Variants in HIVEP2 observed in about 807,000 individuals in gnomAD.
The protein encoded by HIVEP2 is HIVEP zinc finger 2.
HIVEP2 carries 14 observed loss-of-function variants against 180.7 expected under a neutral mutation model. The ratio of observed to expected loss-of-function variants is 0.08; its 90% confidence interval spans 0.05 to 0.12. HIVEP2 has a LOEUF of 0.12. HIVEP2 is among the 10% of genes least tolerant of loss of function. HIVEP2 has a pLI of 1.00. For missense variants in HIVEP2, 2,579 were observed against 3,008.5 expected (o/e 0.86, Z 3.34); for synonymous variants, 1,184 against 1,136.4 (o/e 1.04, Z -0.84).
At chr6:142,827,992 C>T (rs1774959385) in intron 2 of HIVEP2, among the ~76,000 whole-genome samples, 1 of 152,206 alleles carries the variant, frequency 6.6e-6, no homozygotes, top group Admixed American at 6.5e-5. Context: ...CCTGTGTTTG[C>T]TGTGTTTTCA....
intron 1 of HIVEP2, among the ~76,000 whole-genome samples, chr6:142,927,044 T>C (rs1777835449): frequency 6.7e-6 from 1 of 149,616 alleles, no homozygotes; most frequent in Non-Finnish European, 1.5e-5. Context: ...AGGGCTCCCC[T>C]CTCCCGCTGG....
At chr6:142,924,225 T>C (rs1413759414) in intron 1 of HIVEP2, among the ~76,000 whole-genome samples, 1 of 152,238 alleles carries the variant, frequency 6.6e-6, no homozygotes, top group Non-Finnish European at 1.5e-5. Context: ...TCTCACTTTT[T>C]TAAACCTCTT....
At chr6:142,814,295 G>A (rs973592401) in intron 2 of HIVEP2, among the ~76,000 whole-genome samples, 3 of 152,176 alleles carry the variant, frequency 2.0e-5, no homozygotes, top group Admixed American at 1.3e-4. Context: ...TATTACTAAT[G>A]TATACCCTAA....
intron 2 of HIVEP2, among the ~76,000 whole-genome samples, chr6:142,794,901 TC>T (rs1776246081): frequency 6.6e-6 from 1 of 152,190 alleles, no homozygotes; most frequent in African/African-American, 2.4e-5. Context: ...GCTTCAACTA[TC>T]CTAAGTGTTA....
intron 1 of HIVEP2, among the ~76,000 whole-genome samples, chr6:142,867,017 T>C (rs1432576249): frequency 6.6e-6 from 1 of 152,166 alleles, no homozygotes. Flanking sequence ...TAAGAAATCT[T>C]AGGTAGAGAG....
intron 1 of HIVEP2, among the ~76,000 whole-genome samples, chr6:142,902,238 A>G (rs551972649): frequency 2.0e-5 from 3 of 152,332 alleles, no homozygotes; most frequent in African/African-American, 7.2e-5. Context: ...CAAAGTTAAT[A>G]TTACCAGTGA....
At chr6:142,911,139 T>TAAAAAAAAAAAAAAAAAAAAAAAATAA (rs5880554) in intron 1 of HIVEP2, among the ~76,000 whole-genome samples, 1 of 106,226 alleles carries the variant, frequency 9.4e-6, no homozygotes, top group Non-Finnish European at 1.9e-5. Flanking sequence ...ACAAACACAT[T>TAAAAAAAAAAAAAAAAAAAAAAAATAA]AAAAAAAAAA....
intron 1 of HIVEP2, among the ~76,000 whole-genome samples, chr6:142,928,242 C>G (rs1450252215): frequency 6.6e-6 from 1 of 152,070 alleles, no homozygotes; most frequent in Non-Finnish European, 1.5e-5. Context: ...CTAAAACTAC[C>G]CTAAAAATAT....
At chr6:142,786,537 C>T (rs1776003165) in intron 2 of HIVEP2, among the ~76,000 whole-genome samples, 1 of 152,148 alleles carries the variant, frequency 6.6e-6, no homozygotes, top group African/African-American at 2.4e-5. Flanking sequence ...TTGTAATAAA[C>T]ACTTGGAAGA....
intron 1 of HIVEP2, among the ~76,000 whole-genome samples, chr6:142,890,181 A>G (rs1200913166): frequency 1.3e-5 from 2 of 152,190 alleles, no homozygotes; most frequent in African/African-American, 4.8e-5. Flanking sequence ...CCCTTTGCAA[A>G]TTAGCTCTAA....
intron 1 of HIVEP2, among the ~76,000 whole-genome samples, chr6:142,907,403 G>A (rs1582957360): frequency 6.6e-6 from 1 of 152,196 alleles, no homozygotes; most frequent in South Asian, 2.1e-4. Context: ...AGTCTCAGCT[G>A]TTGTGAAGAA....
chr6:142,837,993 T>A (rs996107233), intron 1 of HIVEP2, among the ~76,000 whole-genome samples: 4 of 152,070 alleles, frequency 2.6e-5, no homozygotes, highest in African/African-American at 9.7e-5. Flanking sequence ...CACAAGATTT[T>A]TTAATTGTGC....
Position 142,803,563 on chromosome 6 carries a change from G to GCACA in HIVEP2, c.-527-19949_-527-19948insTGTG, listed in dbSNP as rs780270816. On this transcript the variant is annotated intron_variant, in intron 2 of 9. Coordinates refer to ENST00000367603, the MANE Select transcript of HIVEP2 (RefSeq NM_006734.4). ...AATACCCCAACTATATATATATATA[G>GCACA]CATACACACACACACACACACACAC... is the stretch of plus-strand genomic sequence containing the variant. Among the ~76,000 whole-genome samples, 5 of 19,344 alleles carry GCACA rather than the reference G, an allele frequency of 2.6e-4. No individual in the cohort carries two copies. The East Asian group carries it at 8.2e-3, about 32-fold the overall frequency. 12.7% of individuals were successfully genotyped at this position (19,344 alleles called of 152,430 possible). A position where few individuals can be genotyped will look rare whatever the true frequency, so the allele number is the denominator to read the frequency against.
chr6:142,863,182 T>A (rs192593360), intron 1 of HIVEP2, among the ~76,000 whole-genome samples: 1 of 149,586 alleles, frequency 6.7e-6, no homozygotes, highest in African/African-American at 2.4e-5. Context: ...TTCTGTTGCA[T>A]TTTTTTTAAT....
At chr6:142,926,281 A>T (rs1033996290) in intron 1 of HIVEP2, among the ~76,000 whole-genome samples, 1 of 152,214 alleles carries the variant, frequency 6.6e-6, no homozygotes, top group Non-Finnish European at 1.5e-5. Context: ...CTTCAAATTC[A>T]CAAGATCATT....
At chr6:142,804,491 G>C (rs769317621) in intron 2 of HIVEP2, among the ~76,000 whole-genome samples, 4 of 151,960 alleles carry the variant, frequency 2.6e-5, no homozygotes, top group African/African-American at 4.8e-5. Context: ...AGAATTATTA[G>C]TGCCCAAAAG....
At chr6:142,793,681 C>CTTTCTTTCTTTCCT (rs1554279298) in intron 2 of HIVEP2, among the ~76,000 whole-genome samples, 1 of 125,566 alleles carries the variant, frequency 8.0e-6, no homozygotes, top group African/African-American at 2.9e-5. Context: ...CTTTCTCTCT[C>CTTTCTTTCTTTCCT]TCTCTCTCTC....
chr6:142,762,875 C>G (rs1300031006), intron 7 of HIVEP2, among the ~76,000 whole-genome samples: 1 of 152,160 alleles, frequency 6.6e-6, no homozygotes, highest in African/African-American at 2.4e-5. Context: ...CAGGCCCCCA[C>G]TCCTCCTATT....
chr6:142,942,563 A>T (rs1203940796), intron 1 of HIVEP2, among the ~76,000 whole-genome samples: 1 of 152,206 alleles, frequency 6.6e-6, no homozygotes, highest in Admixed American at 6.5e-5. Context: ...AATCAAAGAG[A>T]ATTATTTTCC....
Sources: gnomAD v4.1 joint callset for allele counts (sites outside exome capture counted in the v4.1 genomes callset) on GRCh38, gnomAD v4.1.1 for gene constraint, MANE v1.5 for transcripts, NCBI Gene and HGNC (gene_info 2026-07-23, HGNC 2026-07-21) for gene names.